Variants in OSBPL6 observed in about 807,000 individuals in gnomAD.
OSBPL6 encodes oxysterol binding protein like 6.
Under a neutral mutation model 125.8 loss-of-function variants are expected in OSBPL6, and 49 were observed. The ratio of observed to expected loss-of-function variants is 0.39; its 90% CI spans 0.31 to 0.49. The LOEUF (loss-of-function observed/expected upper bound fraction) is 0.49, where lower values mean the gene tolerates loss of function less well. Among genes scored for constraint, OSBPL6 ranks in the 20% least tolerant of loss-of-function variants. The probability of loss-of-function intolerance (pLI) is 0.88; values close to 1 mark genes in which losing one functional copy is unlikely to be tolerated. For missense variants in OSBPL6, 986 were observed against 1,135.4 expected (o/e 0.87, Z 1.89); for synonymous variants, 394 against 391.8 (o/e 1.01, Z -0.07).
chr2:178,291,426 A>G (rs1248627095), intron 2 of OSBPL6, among the ~76,000 whole-genome samples: 2 of 152,220 alleles, frequency 1.3e-5, no homozygotes, highest in African/African-American at 4.8e-5. Flanking sequence ...AACAAAGGAA[A>G]GATAAACACT....
In OSBPL6 at chr2:178,297,489, G is replaced by A. The variant is rs6745611; in HGVS notation, c.-155-8541G>A. Among the ~76,000 whole-genome samples the A allele has an allele frequency of 2.1e-3, 313 of 152,272 alleles. 1 individual carries two copies. Among genetic ancestry groups the A allele is most frequent in the African/African-American group, 7.4e-3 (308 of 41,564 alleles). ...TAGGGTGGATATCTACAGTCTGCAAGCACAATCAATGTTATTTAATGGATA... is the reference window on the plus strand; with the variant it reads ...TAGGGTGGATATCTACAGTCTGCAAACACAATCAATGTTATTTAATGGATA... On this transcript the variant is annotated intron_variant, in intron 2 of 24. Transcript: ENST00000190611.
intron 12 of OSBPL6, among the ~76,000 whole-genome samples, chr2:178,357,195 A>G (rs1054275576): frequency 1.3e-5 from 2 of 152,262 alleles, no homozygotes; most frequent in African/African-American, 4.8e-5. Context: ...CTTCATGACT[A>G]AAACACTAAA....
intron 4 of OSBPL6, among the ~76,000 whole-genome samples, chr2:178,326,447 G>C (rs1416804733): frequency 6.6e-6 from 1 of 152,146 alleles, no homozygotes. Context: ...TCTGTTATAA[G>C]TAAACCCAGG....
intron 15 of OSBPL6, among the ~76,000 whole-genome samples, chr2:178,376,863 C>T (rs79798473): frequency 0.015 from 2,216 of 152,258 alleles, 61 homozygotes; most frequent in African/African-American, 0.05. Context: ...ACTGTACCCC[C>T]ATTCCTTGTG....
intron 1 of OSBPL6, among the ~76,000 whole-genome samples, chr2:178,273,424 A>G (rs1020615248): frequency 1.3e-4 from 20 of 151,986 alleles, no homozygotes; most frequent in Non-Finnish European, 2.5e-4. Flanking sequence ...CCCCATCTCT[A>G]CAAAAAATAG....
intron 2 of OSBPL6, among the ~76,000 whole-genome samples, chr2:178,294,491 T>C (rs948801436): frequency 4.6e-5 from 7 of 152,180 alleles, no homozygotes; most frequent in African/African-American, 1.7e-4. Flanking sequence ...ACTCAAATGT[T>C]TGAAGATTTT....
intron 1 of OSBPL6, among the ~76,000 whole-genome samples, chr2:178,245,655 G>GTT (rs1279250311): frequency 1.3e-5 from 2 of 152,212 alleles, no homozygotes; most frequent in African/African-American, 4.8e-5. Context: ...TTAATGCTGT[G>GTT]TTGACTTCAG....
At chr2:178,309,622 T>C (rs1387141190) in intron 3 of OSBPL6, among the ~76,000 whole-genome samples, 1 of 152,216 alleles carries the variant, frequency 6.6e-6, no homozygotes, top group Non-Finnish European at 1.5e-5. Context: ...TCTTCACCAA[T>C]GATAGCATCA....
chr2:178,390,595 G>C (rs1301244194), intron 21 of OSBPL6, among the ~76,000 whole-genome samples: 2 of 152,188 alleles, frequency 1.3e-5, no homozygotes. Flanking sequence ...GGAATCATGG[G>C]GTAGGCAAAC....
intron 12 of OSBPL6, among the ~76,000 whole-genome samples, chr2:178,358,945 C>A (rs1692070795): frequency 6.6e-6 from 1 of 151,980 alleles, no homozygotes; most frequent in African/African-American, 2.4e-5. Flanking sequence ...AAACGTATAA[C>A]CTTTACTTGA....
chr2:178,225,242 A>T lies in OSBPL6; in HGVS notation c.-351+30568A>T, dbSNP rs1330346707. On this transcript the variant is annotated intron_variant, in intron 1 of 24. Transcript: ENST00000190611. ...CCCTTGGTCAGGTGCCCATTACTTTAAAAAAAAAAAAAGGAAAGAAAAGAA... is the reference window on the plus strand; with the variant it reads ...CCCTTGGTCAGGTGCCCATTACTTTTAAAAAAAAAAAAGGAAAGAAAAGAA... 5.4e-5 allele frequency among the ~76,000 whole-genome samples: 7 copies of T among 129,526 alleles called. 1 individual carries two copies. The East Asian group carries it at 8.8e-4, about 16-fold the overall frequency. The allele number at this position is 129,526 out of a possible 152,430, so 85.0% of individuals were successfully genotyped here.
At chr2:178,237,738 G>A (rs938622119) in intron 1 of OSBPL6, among the ~76,000 whole-genome samples, 4 of 152,156 alleles carry the variant, frequency 2.6e-5, no homozygotes, top group Admixed American at 6.5e-5. Context: ...CTGGAGTTGT[G>A]ACAACCAGAA....
chr2:178,380,316 G>C (rs1203627869), intron 15 of OSBPL6, among the ~76,000 whole-genome samples: 1 of 151,546 alleles, frequency 6.6e-6, no homozygotes, highest in African/African-American at 2.4e-5. Context: ...CAAGGCATGG[G>C]AGTGTGTGCG....
At chr2:178,229,962 T>C (rs922927921) in intron 1 of OSBPL6, among the ~76,000 whole-genome samples, 6 of 152,234 alleles carry the variant, frequency 3.9e-5, no homozygotes, top group Non-Finnish European at 8.8e-5. Flanking sequence ...TGAGAACCAC[T>C]TAGTCTATCT....
intron 12 of OSBPL6, among the ~76,000 whole-genome samples, chr2:178,353,465 G>A (rs1219655767): frequency 1.3e-5 from 2 of 152,154 alleles, no homozygotes; most frequent in Non-Finnish European, 2.9e-5. Flanking sequence ...AGCTTCAGTA[G>A]CTGATTCGAT....
intron 13 of OSBPL6, among the ~76,000 whole-genome samples, chr2:178,369,340 T>C (rs1452884555): frequency 1.3e-5 from 2 of 152,174 alleles, no homozygotes; most frequent in African/African-American, 4.8e-5. Context: ...CCATAAAGTA[T>C]AGAAATTCCT....
intron 3 of OSBPL6, chr2:178,320,405 A>C: frequency 1.2e-6 from 2 of 1,612,914 alleles, no homozygotes. Flanking sequence ...GAGGGCGGGT[A>C]AGTACTTCCA....
intron 4 of OSBPL6, among the ~76,000 whole-genome samples, chr2:178,325,960 C>A (rs1161374307): frequency 1.3e-5 from 2 of 152,174 alleles, no homozygotes; most frequent in Non-Finnish European, 2.9e-5. Context: ...GACTAATAAA[C>A]CCTGGTTGTG....
chr2:178,350,730 G>T (rs1691177141), intron 12 of OSBPL6, among the ~76,000 whole-genome samples: 1 of 152,178 alleles, frequency 6.6e-6, no homozygotes, highest in Admixed American at 6.5e-5. Context: ...ATTTGTTTAT[G>T]TAACAGCATA....
Sources: allele counts gnomAD v4.1 joint callset (sites outside exome capture counted in the v4.1 genomes callset), GRCh38; gene constraint gnomAD v4.1.1; transcripts MANE v1.5; gene names NCBI Gene and HGNC (gene_info 2026-07-23, HGNC 2026-07-21).